CLSTN2: variants seen among roughly 807,000 people sequenced by gnomAD.
The protein encoded by CLSTN2 is calsyntenin 2.
In CLSTN2, 48 loss-of-function variants were observed where a neutral mutation model predicts 101.2. That is an observed-to-expected ratio of 0.47 (90% CI 0.38 to 0.60). The LOEUF is 0.60. CLSTN2 is among the 20% of genes least tolerant of loss of function. CLSTN2 has a pLI of 0.00. For missense variants in CLSTN2, 1,160 were observed against 1,238.2 expected (o/e 0.94, Z 0.95); for synonymous variants, 481 against 463.6 (o/e 1.04, Z -0.48).
chr3:139,981,627 A>G (rs1935923412), intron 1 of CLSTN2, among the ~76,000 whole-genome samples: 1 of 152,234 alleles, frequency 6.6e-6, no homozygotes, highest in Non-Finnish European at 1.5e-5. Context: ...AATCAAAGGA[A>G]CAAAAAGAGT....
intron 2 of CLSTN2, among the ~76,000 whole-genome samples, chr3:140,207,228 T>G (rs1406928998): frequency 6.6e-6 from 1 of 152,230 alleles, no homozygotes; most frequent in East Asian, 1.9e-4. Context: ...GAAGTCGTTC[T>G]GAGAATGTTT....
At chr3:140,020,649 G>A (rs1248638273) in intron 1 of CLSTN2, among the ~76,000 whole-genome samples, 2 of 152,146 alleles carry the variant, frequency 1.3e-5, no homozygotes, top group Non-Finnish European at 2.9e-5. Context: ...CAGGCTCTGG[G>A]CTCTCTGGTC....
At chr3:139,980,634 A>C (rs971083312) in intron 1 of CLSTN2, among the ~76,000 whole-genome samples, 1 of 151,956 alleles carries the variant, frequency 6.6e-6, no homozygotes, top group African/African-American at 2.4e-5. Context: ...ATTCTACACT[A>C]TATTATCTAT....
chr3:140,163,180 C>T (rs1025168766), intron 1 of CLSTN2, among the ~76,000 whole-genome samples: 1 of 152,136 alleles, frequency 6.6e-6, no homozygotes, highest in African/African-American at 2.4e-5. Context: ...TGCTGAAGAT[C>T]TACAATCAGT....
In CLSTN2 at chr3:140,207,754, G is replaced by A. The variant is rs181707971; in HGVS notation, c.232+31681G>A. Among the ~76,000 whole-genome samples, 724 of 152,106 alleles carry A rather than the reference G, an allele frequency of 4.8e-3. 4 individuals are homozygous for A. Among genetic ancestry groups the A allele is most frequent in the African/African-American group, 0.016 (681 of 41,482 alleles). The stretch of plus-strand genomic sequence containing the variant: ...AATTGCTGGGTCAAGTGTATACATC[G>A]TTAGTATTATTGCTACCCAGTGCAG... On this transcript the variant is annotated intron_variant, in intron 2 of 16. Transcript: ENST00000458420.
In CLSTN2 at chr3:139,997,960, G is replaced by C. The variant is rs148702540; in HGVS notation, c.109+62477G>C. On this transcript the variant is annotated intron_variant, in intron 1 of 16. Transcript: ENST00000458420. ...AATTTGTAGTTTTCTGGGGACCCTG[G>C]AGTTATAGGGCACATGTTTAGACTA... is the stretch of plus-strand genomic sequence containing the variant. Among the ~76,000 whole-genome samples the C allele has an allele frequency of 9.5e-3, 1,449 of 152,232 alleles. 6 individuals carry two copies. The highest frequency in any genetic ancestry group is 0.013 in the Non-Finnish European group (874 of 68,010).
intron 2 of CLSTN2, among the ~76,000 whole-genome samples, chr3:140,338,710 T>C (rs1307024615): frequency 6.6e-6 from 1 of 152,166 alleles, no homozygotes; most frequent in African/African-American, 2.4e-5. Flanking sequence ...GGTCACTAGT[T>C]TGCACAAGGC....
At chr3:140,031,950 A>G (rs1296245214) in intron 1 of CLSTN2, among the ~76,000 whole-genome samples, 1 of 152,148 alleles carries the variant, frequency 6.6e-6, no homozygotes, top group East Asian at 1.9e-4. Flanking sequence ...CGTAAAATGA[A>G]GAGGTTAGAC....
chr3:140,273,726 C>T (rs1243781059), intron 2 of CLSTN2, among the ~76,000 whole-genome samples: 2 of 152,274 alleles, frequency 1.3e-5, no homozygotes, highest in East Asian at 1.9e-4. Context: ...CTCAGGGTAA[C>T]TCGCCCACTC....
At chr3:140,497,999 T>C (rs766453605) in intron 8 of CLSTN2, among the ~76,000 whole-genome samples, 6 of 152,154 alleles carry the variant, frequency 3.9e-5, no homozygotes, top group Non-Finnish European at 5.9e-5. Flanking sequence ...TCCTTCTCCA[T>C]TGGTCGAGTC....
intron 2 of CLSTN2, among the ~76,000 whole-genome samples, chr3:140,259,411 T>C (rs1199056634): frequency 6.6e-6 from 1 of 152,052 alleles, no homozygotes; most frequent in Admixed American, 6.6e-5. Flanking sequence ...GAGGCAGAGG[T>C]TGCAATGAGC....
chr3:140,122,859 T>C (rs1381465318), intron 1 of CLSTN2, among the ~76,000 whole-genome samples: 1 of 152,136 alleles, frequency 6.6e-6, no homozygotes, highest in Non-Finnish European at 1.5e-5. Context: ...TTATAATACT[T>C]CGTAAAGCAT....
chr3:140,098,570 C>T (rs1198120667), intron 1 of CLSTN2, among the ~76,000 whole-genome samples: 2 of 152,182 alleles, frequency 1.3e-5, no homozygotes, highest in African/African-American at 4.8e-5. Context: ...AATGTATAGA[C>T]ATTGCATATT....
intron 2 of CLSTN2, among the ~76,000 whole-genome samples, chr3:140,311,619 TTA>T (rs2087169751): frequency 6.6e-6 from 1 of 152,016 alleles, no homozygotes; most frequent in Non-Finnish European, 1.5e-5. Flanking sequence ...TTTATGATAC[TTA>T]TTATGTTTAA....
At chr3:140,165,796 G>A (rs1008026440) in intron 1 of CLSTN2, among the ~76,000 whole-genome samples, 1 of 152,144 alleles carries the variant, frequency 6.6e-6, no homozygotes, top group Non-Finnish European at 1.5e-5. Context: ...TTTTCAAAAT[G>A]CTATTATAAT....
At chr3:140,378,157 T>C (rs1186284674) in intron 2 of CLSTN2, among the ~76,000 whole-genome samples, 2 of 152,218 alleles carry the variant, frequency 1.3e-5, no homozygotes, top group Non-Finnish European at 2.9e-5. Flanking sequence ...TGTGTAAAAG[T>C]CCACTTTATG....
At chr3:140,353,387 C>A (rs183089750) in intron 2 of CLSTN2, among the ~76,000 whole-genome samples, 1 of 152,058 alleles carries the variant, frequency 6.6e-6, no homozygotes, top group African/African-American at 2.4e-5. Context: ...TGTTCCAGGG[C>A]GTGAAGCATC....
chr3:140,090,667 T>C (rs1030949062), intron 1 of CLSTN2, among the ~76,000 whole-genome samples: 2 of 152,100 alleles, frequency 1.3e-5, no homozygotes, highest in Admixed American at 6.5e-5. Flanking sequence ...GTGAATCTCA[T>C]GGGAAGAGTG....
intron 1 of CLSTN2, among the ~76,000 whole-genome samples, chr3:139,950,437 A>G (rs913730453): frequency 6.6e-6 from 1 of 152,144 alleles, no homozygotes; most frequent in Non-Finnish European, 1.5e-5. Flanking sequence ...CACTCCCTAC[A>G]TGGGCTGAGG....
Sources: allele counts gnomAD v4.1 joint callset (sites outside exome capture counted in the v4.1 genomes callset), GRCh38; gene constraint gnomAD v4.1.1; transcripts MANE v1.5; gene names NCBI Gene and HGNC (gene_info 2026-07-23, HGNC 2026-07-21).